Variants in TRDN observed in about 807,000 individuals in gnomAD.
TRDN encodes the protein triadin in skeletal muscle.
A neutral mutation model predicts 149.7 loss-of-function variants in TRDN; 161 were observed. The observed-to-expected ratio is 1.08, with a 90% CI of 0.95 to 1.23. TRDN has a LOEUF of 1.23. Among genes scored for constraint, TRDN ranks in the 50% most tolerant of loss-of-function variants. The pLI is 0.00. For missense variants in TRDN, 896 were observed against 823.5 expected (o/e 1.09, Z -1.08); for synonymous variants, 294 against 250.5 (o/e 1.17, Z -1.64).
chr6:123,274,284 T>C (rs1777299645), intron 27 of TRDN, among the ~76,000 whole-genome samples: 1 of 152,086 alleles, frequency 6.6e-6, no homozygotes, highest in Non-Finnish European at 1.5e-5. Context: ...AATTCTGGTA[T>C]ATTACTGGAA....
Position 123,562,846 on chromosome 6 carries a change from A to C in TRDN, c.232+8077T>G, listed in dbSNP as rs376062955. ...TCCTGATTTAAAAGCACTTTTGGTG[A>C]GCTAATTGTTTTATTGACTGCAGAA... On this transcript the variant is annotated intron_variant, in intron 2 of 40. Transcript: ENST00000334268. 2.0e-5 allele frequency among the ~76,000 whole-genome samples: 3 copies of C among 152,296 alleles called. No individual in the cohort carries two copies. In the South Asian group the frequency reaches 6.2e-4, roughly 32 times the overall value.
At chr6:123,369,288 C>T (rs1397598396) in intron 19 of TRDN, among the ~76,000 whole-genome samples, 2 of 152,322 alleles carry the variant, frequency 1.3e-5, no homozygotes, top group East Asian at 1.9e-4. Context: ...CCTAATCCAG[C>T]ATGACCTCAT....
Position 123,273,358 on chromosome 6 carries a change from A to G in TRDN, c.1603T>C (p.Ser535Pro). The G allele has an allele frequency of 9.9e-7, 1 of 1,006,710 alleles. No homozygotes were observed. Among genetic ancestry groups the G allele is most frequent in the Non-Finnish European group, 1.3e-6 (1 of 743,354 alleles). The allele number at this position is 1,006,710 out of a possible 1,614,324, so 62.4% of individuals were successfully genotyped here. The change falls in exon 28 of 41, where the codon TCT becomes CCT. Residue 535 changes from serine (S) to proline (P), a missense_variant. Physicochemically the swap from Ser to Pro is moderately conservative, Grantham distance 74. Coordinates refer to ENST00000334268, the MANE Select transcript of TRDN (RefSeq NM_006073.4). ...ATACTGTGTATTTGCACTTTTTCAGATATAGCTAAAATAAATAAATAACAT... is the reference window on the plus strand; with the variant it reads ...ATACTGTGTATTTGCACTTTTTCAGGTATAGCTAAAATAAATAAATAACAT... The part of the protein sequence containing the change: ...QIKKEAKPAI[S>P]EKVQIHKQDI...
Position 123,530,502 on chromosome 6 carries a change from T to C in TRDN, c.484+4A>G. On this transcript the variant is annotated splice_donor_region_variant and intron_variant, in intron 5 of 40. Transcript: ENST00000334268. ...GAAGAATAAACATAAAATGAAATGT[T>C]TACCTTTAGTTTGTATTTTCCTTTC... The C allele has an allele frequency of 8.1e-7, 1 of 1,240,150 alleles. No individual in the cohort carries two copies. The highest frequency in any genetic ancestry group is 1.1e-6 in the Non-Finnish European group (1 of 927,956). 76.8% of individuals were successfully genotyped at this position (1,240,150 alleles called of 1,614,324 possible).
rs768748530 is a variant in TRDN at position 123,218,648 on chromosome 6, T to C, written c.2143A>G (p.Ser715Gly). 22 of 1,611,238 alleles carry C rather than the reference T, an allele frequency of 1.4e-5. No individual in the cohort carries two copies. Among genetic ancestry groups the C allele is most frequent in the Admixed American group, 5.0e-5 (3 of 59,700 alleles). Residue 715 changes from serine to glycine, a missense_variant, in exon 41 of 41, where the codon AGC becomes GGC. By Grantham distance (56) the Ser-to-Gly change is moderately conservative. Transcript: ENST00000334268. ...PFTPADRPGE[S>G]SGQANSPGQK... ...CCTGGAGAATTTGCTTGACCAGAGC[T>C]CTCTCCAGGGCGGTCTGCAGGAGTG...
chr6:123,310,933 A>G (rs1778793420), intron 24 of TRDN, among the ~76,000 whole-genome samples: 1 of 152,004 alleles, frequency 6.6e-6, no homozygotes, highest in African/African-American at 2.4e-5. Flanking sequence ...AATTGGGTTT[A>G]TGACCAGGAC....
At chr6:123,256,445 CCAA>C (rs1223013073) in intron 35 of TRDN, among the ~76,000 whole-genome samples, 5 of 152,150 alleles carry the variant, frequency 3.3e-5, no homozygotes, top group Admixed American at 6.6e-5. Context: ...CTAATTCCCA[CCAA>C]CATTGTAAAA....
At chr6:123,441,215 T>A (rs1324277011) in intron 10 of TRDN, 1 of 152,196 alleles carries the variant, frequency 6.6e-6, no homozygotes, top group Non-Finnish European at 1.5e-5. Flanking sequence ...CCTACTTGGA[T>A]ATAAAAATAA....
chr6:123,231,521 A>G (rs925780508), intron 38 of TRDN, among the ~76,000 whole-genome samples: 3 of 152,044 alleles, frequency 2.0e-5, no homozygotes, highest in African/African-American at 7.2e-5. Context: ...AGCACCTACA[A>G]TAGGTATAGA....
intron 9 of TRDN, among the ~76,000 whole-genome samples, chr6:123,466,333 T>G (rs374020719): frequency 6.6e-6 from 1 of 152,194 alleles, no homozygotes; most frequent in Non-Finnish European, 1.5e-5. Context: ...CCAAGAATGA[T>G]CCAAATGGTT....
intron 2 of TRDN, among the ~76,000 whole-genome samples, chr6:123,566,387 G>A (rs527612511): frequency 6.6e-6 from 1 of 152,312 alleles, no homozygotes; most frequent in East Asian, 1.9e-4. Flanking sequence ...AATTCTGCAT[G>A]TCCCCAACTA....
chr6:123,616,804 C>A (rs1785111261), intron 1 of TRDN, among the ~76,000 whole-genome samples: 1 of 152,142 alleles, frequency 6.6e-6, no homozygotes, highest in African/African-American at 2.4e-5. Flanking sequence ...TTCAGTTAAT[C>A]ACCTTGTCAT....
At chr6:123,354,984 C>A (rs564019632) in intron 20 of TRDN, among the ~76,000 whole-genome samples, 2 of 151,886 alleles carry the variant, frequency 1.3e-5, no homozygotes, top group South Asian at 4.1e-4. Context: ...TCTTTCTATG[C>A]AGTAGTATCA....
intron 21 of TRDN, chr6:123,349,399 C>T: frequency 4.4e-6 from 2 of 459,096 alleles, no homozygotes; most frequent in Non-Finnish European, 5.7e-6. Flanking sequence ...AGCGCCTGGC[C>T]AGTTGTGGGC....
In TRDN at chr6:123,498,141, A is replaced by G. The variant is rs79628602; in HGVS notation, c.794-889T>C. 5.1e-4 allele frequency: 83 copies of G among 164,002 alleles called. No homozygotes were observed. In the East Asian group the frequency reaches 0.01, roughly 21 times the overall value. 10.2% of individuals were successfully genotyped at this position (164,002 alleles called of 1,614,324 possible). A position where few individuals can be genotyped will look rare whatever the true frequency, so the allele number is the denominator to read the frequency against. On this transcript the variant is annotated intron_variant, in intron 8 of 40. Transcript: ENST00000334268. ...ATATTATGAAATAATTTACATTTCA[A>G]TATTCCTGAAATATGCATTTTATTA...
At chr6:123,242,373 T>C (rs1304881705) in intron 38 of TRDN, among the ~76,000 whole-genome samples, 1 of 152,098 alleles carries the variant, frequency 6.6e-6, no homozygotes, top group African/African-American at 2.4e-5. Context: ...TAATAAGTAC[T>C]AAATATAATA....
chr6:123,609,357 C>A (rs910194032), intron 1 of TRDN, among the ~76,000 whole-genome samples: 1 of 151,686 alleles, frequency 6.6e-6, no homozygotes, highest in East Asian at 1.9e-4. Flanking sequence ...TCAGCATAAC[C>A]CCATTTTTGT....
At chr6:123,506,738 C>T (rs918698328) in intron 7 of TRDN, among the ~76,000 whole-genome samples, 1 of 152,082 alleles carries the variant, frequency 6.6e-6, no homozygotes, top group African/African-American at 2.4e-5. Flanking sequence ...ATCCACCCGC[C>T]TCGGCCTCCC....
chr6:123,510,351 G>A (rs1779114814), intron 7 of TRDN: 1 of 151,920 alleles, frequency 6.6e-6, no homozygotes, highest in African/African-American at 2.4e-5. Context: ...ACCTAAATGG[G>A]TAGTTTCTTA....
Sources: gnomAD v4.1 joint callset for allele counts (sites outside exome capture counted in the v4.1 genomes callset) on GRCh38, gnomAD v4.1.1 for gene constraint, MANE v1.5 for transcripts, NCBI Gene and HGNC (gene_info 2026-07-23, HGNC 2026-07-21) for gene names.